Variants in CTNNA3 observed in about 807,000 individuals in gnomAD.
CTNNA3 encodes catenin alpha-3.
CTNNA3 carries 76 observed loss-of-function variants against 95.7 expected under a neutral mutation model. The ratio of observed to expected loss-of-function variants is 0.79; its 90% confidence interval spans 0.66 to 0.96. The LOEUF (loss-of-function observed/expected upper bound fraction) is 0.96, where lower values mean the gene tolerates loss of function less well. Among genes scored for constraint, CTNNA3 ranks in the 40% least tolerant of loss-of-function variants. CTNNA3 has a pLI of 0.00. For synonymous variants in CTNNA3, 431 were observed against 374.4 expected (o/e 1.15, Z -1.74); for missense variants, 1,191 against 1,089.8 (o/e 1.09, Z -1.31).
At chr10:67,249,768 C>T (rs911505023) in intron 5 of CTNNA3, among the ~76,000 whole-genome samples, 2 of 152,170 alleles carry the variant, frequency 1.3e-5, no homozygotes, top group Non-Finnish European at 2.9e-5. Context: ...GATACCATTC[C>T]ATTGTACACA....
intron 12 of CTNNA3, among the ~76,000 whole-genome samples, chr10:66,290,009 C>A (rs1238274117): frequency 6.6e-6 from 1 of 151,870 alleles, no homozygotes; most frequent in African/African-American, 2.4e-5. Context: ...TGGTTACAAG[C>A]AGAAATTCAT....
At chr10:67,196,749 A>G (rs1863386557) in intron 6 of CTNNA3, among the ~76,000 whole-genome samples, 1 of 151,958 alleles carries the variant, frequency 6.6e-6, no homozygotes, top group Non-Finnish European at 1.5e-5. Flanking sequence ...TACTTTCACA[A>G]TCTCTGTATA....
chr10:67,739,955 C>T (rs1476661017), intron 1 of CTNNA3, among the ~76,000 whole-genome samples: 1 of 152,088 alleles, frequency 6.6e-6, no homozygotes, highest in Non-Finnish European at 1.5e-5. Context: ...GGTACCAAAA[C>T]AGAGATATAG....
At chr10:66,773,197 C>T (rs1840164501) in intron 8 of CTNNA3, among the ~76,000 whole-genome samples, 1 of 152,130 alleles carries the variant, frequency 6.6e-6, no homozygotes, top group South Asian at 2.1e-4. Flanking sequence ...TGGAGGTGTT[C>T]AAAGACAGCT....
intron 7 of CTNNA3, among the ~76,000 whole-genome samples, chr10:67,108,234 T>A (rs961432037): frequency 4.6e-5 from 7 of 152,184 alleles, no homozygotes; most frequent in African/African-American, 1.4e-4. Flanking sequence ...ATTTAAAAAG[T>A]ACAGTCAAAT....
Position 67,613,636 on chromosome 10 carries a change from C to G in CTNNA3, c.100-6587G>C, listed in dbSNP as rs1044504465. 2.6e-5 allele frequency among the ~76,000 whole-genome samples: 4 copies of G among 152,104 alleles called. No homozygotes were observed. In the East Asian group the frequency reaches 5.8e-4, roughly 22 times the overall value. On this transcript the variant is annotated intron_variant, in intron 2 of 17. Transcript: ENST00000433211. Reference sequence around the variant, plus strand: ...TATATCCAGTCTTTTTTTGCCCCCCCCAACAAAGACACGTTACATAATTCA... The same window carrying G: ...TATATCCAGTCTTTTTTTGCCCCCCGCAACAAAGACACGTTACATAATTCA...
chr10:67,662,195 T>C (rs1387241082), intron 1 of CTNNA3, among the ~76,000 whole-genome samples: 1 of 152,206 alleles, frequency 6.6e-6, no homozygotes, highest in East Asian at 1.9e-4. Context: ...AAACCCTATA[T>C]ATACTATGCT....
At chr10:66,919,239 G>A (rs974821375) in intron 7 of CTNNA3, among the ~76,000 whole-genome samples, 14 of 151,222 alleles carry the variant, frequency 9.3e-5, no homozygotes, top group South Asian at 4.2e-4. Flanking sequence ...GAGTATCGAC[G>A]AAATAAAATT....
intron 5 of CTNNA3, among the ~76,000 whole-genome samples, chr10:67,462,687 C>A (rs1417429409): frequency 3.9e-5 from 6 of 152,100 alleles, no homozygotes; most frequent in Admixed American, 3.9e-4. Flanking sequence ...ACTCCTCTAA[C>A]AATGAGTAAA....
At chr10:66,328,933 T>TATATATATACAC (rs59003281) in intron 12 of CTNNA3, among the ~76,000 whole-genome samples, 5,613 of 115,162 alleles carry the variant, frequency 0.049, 270 homozygotes, top group South Asian at 0.11. Context: ...TATATATATA[T>TATATATATACAC]ACACACACAC....
At chr10:66,948,651 A>G (rs1461831915) in intron 7 of CTNNA3, among the ~76,000 whole-genome samples, 2 of 152,184 alleles carry the variant, frequency 1.3e-5, no homozygotes, top group African/African-American at 4.8e-5. Flanking sequence ...AGAATACCAC[A>G]AGGACATGGG....
At chr10:66,996,736 T>C (rs1459678425) in intron 7 of CTNNA3, among the ~76,000 whole-genome samples, 2 of 151,186 alleles carry the variant, frequency 1.3e-5, no homozygotes, top group Non-Finnish European at 2.9e-5. Flanking sequence ...GTTTTCTGCT[T>C]GCTCAACTTA....
chr10:67,015,124 T>C (rs1852577678), intron 7 of CTNNA3: 1 of 152,158 alleles, frequency 6.6e-6, no homozygotes, highest in African/African-American at 2.4e-5. Flanking sequence ...ATTAACCCCA[T>C]GCTATGTAGT....
chr10:67,222,479 A>G (rs1269403308), intron 5 of CTNNA3, among the ~76,000 whole-genome samples: 3 of 152,204 alleles, frequency 2.0e-5, no homozygotes, highest in Non-Finnish European at 2.9e-5. Flanking sequence ...TCAGAAATGG[A>G]ATATAAGTGG....
At chr10:67,364,055 A>T (rs1458394762) in intron 5 of CTNNA3, among the ~76,000 whole-genome samples, 1 of 152,222 alleles carries the variant, frequency 6.6e-6, no homozygotes, top group African/African-American at 2.4e-5. Context: ...TGCCTGATGA[A>T]CATCAATGCA....
chr10:67,346,243 C>T (rs1344372276), intron 5 of CTNNA3, among the ~76,000 whole-genome samples: 1 of 152,000 alleles, frequency 6.6e-6, no homozygotes, highest in Non-Finnish European at 1.5e-5. Flanking sequence ...TGTAGTCTTT[C>T]CACTTAAGAG....
At chr10:66,290,343 T>C (rs2091660800) in intron 12 of CTNNA3, among the ~76,000 whole-genome samples, 1 of 152,058 alleles carries the variant, frequency 6.6e-6, no homozygotes, top group Non-Finnish European at 1.5e-5. Flanking sequence ...CAATTAAGTA[T>C]AAAATTGATT....
chr10:67,603,736 A>T, intron 3 of CTNNA3, among the ~76,000 whole-genome samples: 1 of 152,310 alleles, frequency 6.6e-6, no homozygotes, highest in East Asian at 1.9e-4. Context: ...AAAGTTAAAA[A>T]TTTTTTAAGT....
intron 11 of CTNNA3, among the ~76,000 whole-genome samples, chr10:66,479,007 CTTT>C (rs993384652): frequency 1.1e-4 from 17 of 151,094 alleles, no homozygotes; most frequent in African/African-American, 4.1e-4. Flanking sequence ...AGATATTCAC[CTTT>C]TTTATTTCCT....
Sources: gnomAD v4.1 joint callset for allele counts (sites outside exome capture counted in the v4.1 genomes callset) on GRCh38, gnomAD v4.1.1 for gene constraint, MANE v1.5 for transcripts, NCBI Gene and HGNC (gene_info 2026-07-23, HGNC 2026-07-21) for gene names.